DAZAP2: variants seen among roughly 807,000 people sequenced by gnomAD.
DAZAP2 encodes DAZ associated protein 2.
DAZAP2 carries 3 observed loss-of-function variants against 16.2 expected under a neutral mutation model. That is an observed-to-expected ratio of 0.19 (90% CI 0.08 to 0.48). The LOEUF (loss-of-function observed/expected upper bound fraction) is 0.48. DAZAP2 is among the 20% of genes least tolerant of loss of function. DAZAP2 has a pLI of 0.98. For synonymous variants in DAZAP2, 69 were observed against 77.6 expected, an observed-to-expected ratio of 0.89 and a Z score of 0.58; for missense variants, 172 against 215.9, an observed-to-expected ratio of 0.80 and a Z score of 1.27.
downstream of DAZAP2, among the ~76,000 whole-genome samples, chr12:51,244,251 T>G (rs749793170): frequency 2.6e-5 from 4 of 152,176 alleles, no homozygotes; most frequent in African/African-American, 4.8e-5. Flanking sequence ...CGGGCTGGAG[T>G]GCAGTGGCAG....
In DAZAP2 at chr12:51,240,570, G is replaced by A. The variant is rs951101564; in HGVS notation, c.132+109G>A. 2.9e-5 allele frequency: 32 copies of A among 1,090,970 alleles called. No individual in the cohort carries two copies. In the Admixed American group the frequency reaches 5.2e-4, roughly 18 times the overall value. 67.6% of individuals were successfully genotyped at this position (1,090,970 alleles called of 1,614,324 possible). On this transcript the variant is annotated intron_variant, in intron 2 of 3. Transcript: ENST00000412716. ...ATTTACTCTTCACAAATGCTAACAT[G>A]AATAATCTAAAACACTATATAATTT...
chr12:51,240,105 G>A (rs959744924), intron 1 of DAZAP2: 2 of 517,116 alleles, frequency 3.9e-6, no homozygotes, highest in Non-Finnish European at 7.0e-6. Flanking sequence ...CCCTTACTTC[G>A]GTATGTTAGT....
chr12:51,240,520 T>A, intron 2 of DAZAP2, 59 bp downstream of exon 2: 1 of 1,363,380 alleles, frequency 7.3e-7, no homozygotes, highest in South Asian at 1.2e-5. Flanking sequence ...GGTCCTTTAG[T>A]CCTTAGCTAA....
intron 3 of DAZAP2, 56 bp from the exon 4 acceptor site, chr12:51,242,274 C>T: frequency 2.0e-6 from 3 of 1,524,688 alleles, no homozygotes; most frequent in Non-Finnish European, 8.8e-7. Context: ...TCCCCTATGT[C>T]CCCTTCGCTT....
chr12:51,238,968 C>G, intron 1 of DAZAP2, 48 bp downstream of exon 1: 1 of 1,608,510 alleles, frequency 6.2e-7, no homozygotes, highest in Non-Finnish European at 8.5e-7. Context: ...ACTGCTGGCC[C>G]AGAGCGAGCG....
downstream of DAZAP2, chr12:51,245,298 G>A (rs761941764): frequency 9.2e-4 from 140 of 152,654 alleles, no homozygotes; most frequent in Non-Finnish European, 1.0e-3. Context: ...TGTCAAAAAT[G>A]TTTAAGCAAA....
At chr12:51,246,610 G>C, downstream of DAZAP2, 1 of 490,228 alleles carries the variant, frequency 2.0e-6, no homozygotes, top group African/African-American at 2.1e-5. Context: ...ATGGCTGTGT[G>C]TGTGTGTGTG....
At chr12:51,245,925 T>C, downstream of DAZAP2, 12 of 1,607,228 alleles carry the variant, frequency 7.5e-6, no homozygotes, top group Non-Finnish European at 9.4e-6. Context: ...ATAAGCTCCT[T>C]GGGGCCTGGG....
Position 51,243,469 on chromosome 12 carries a change from T to A in DAZAP2, c.*1011T>A, listed in dbSNP as rs1434131204. 2 of 985,774 alleles carry A rather than the reference T, an allele frequency of 2.0e-6. No homozygotes were observed. The highest frequency in any genetic ancestry group is 1.2e-4 in the Admixed American group (2 of 16,264). The allele number at this position is 985,774 out of a possible 1,614,324, so 61.1% of individuals were successfully genotyped here. ...CCTAGACTGGGTTAATAGGGTCATA[T>A]TGTGAATGTCTCACTACAAAATGAC... is the stretch of plus-strand genomic sequence containing the variant. On this transcript the variant is annotated 3_prime_UTR_variant, in exon 4 of 4. Coordinates refer to ENST00000412716, the MANE Select transcript of DAZAP2 (RefSeq NM_014764.4).
chr12:51,245,692 T>G, downstream of DAZAP2: 1 of 456,186 alleles, frequency 2.2e-6, no homozygotes, highest in East Asian at 3.4e-5. Context: ...CATAGCCACA[T>G]CTTGTTGGCC....
At chr12:51,246,045 C>T (rs750130733), downstream of DAZAP2, 2 of 1,613,946 alleles carry the variant, frequency 1.2e-6, no homozygotes, top group South Asian at 2.2e-5. Flanking sequence ...ACGTAGCTGC[C>T]TTTGTTCTTG....
chr12:51,243,082 G>C lies in DAZAP2; in HGVS notation c.*624G>C. 1.0e-6 allele frequency: 1 copy of C among 990,012 alleles called. No individual in the cohort carries two copies. The highest frequency in any genetic ancestry group is 1.2e-6 in the Non-Finnish European group (1 of 833,134). The allele number at this position is 990,012 out of a possible 1,614,324, so 61.3% of individuals were successfully genotyped here. On this transcript the variant is annotated 3_prime_UTR_variant, in exon 4 of 4. Coordinates refer to ENST00000412716, the MANE Select transcript of DAZAP2 (RefSeq NM_014764.4). ...TCATCTTTTAACTAGTGTTTCACAAGGATCCTCTGAAACCCTCTCTGTGCC... is the reference window on the plus strand; with the variant it reads ...TCATCTTTTAACTAGTGTTTCACAACGATCCTCTGAAACCCTCTCTGTGCC...
chr12:51,246,698 G>A (rs1033306933), downstream of DAZAP2: 17 of 1,414,590 alleles, frequency 1.2e-5, no homozygotes, highest in Admixed American at 3.7e-4. Context: ...TCCCTCTGGA[G>A]AGAGATGCCC....
In DAZAP2 at chr12:51,243,752, G is replaced by A; in HGVS notation, c.*1294G>A. Reference sequence around the variant, plus strand: ...AAAAATGTAGAATAAAGACTATTTTGAAGATTTGAATAAAGTGATGAAGTT... The same window carrying A: ...AAAAATGTAGAATAAAGACTATTTTAAAGATTTGAATAAAGTGATGAAGTT... On this transcript the variant is annotated 3_prime_UTR_variant, in exon 4 of 4. Transcript: ENST00000412716. 1 of 985,650 alleles carries A rather than the reference G, an allele frequency of 1.0e-6. No homozygotes were observed. The highest frequency in any genetic ancestry group is 1.2e-6 in the Non-Finnish European group (1 of 829,818). The allele number at this position is 985,650 out of a possible 1,614,324, so 61.1% of individuals were successfully genotyped here. A position where few individuals can be genotyped will look rare whatever the true frequency, so the allele number is the denominator to read the frequency against.
chr12:51,243,251 T>A lies in DAZAP2; in HGVS notation c.*793T>A. On this transcript the variant is annotated 3_prime_UTR_variant, in exon 4 of 4. Transcript: ENST00000412716. ...GGTGCCAGAAAAACTGAGCTATGTT[T>A]GAACAAAGATGTCGTGCAAACTGTA... 1.0e-5 allele frequency: 10 copies of A among 985,942 alleles called. No individual in the cohort carries two copies. Among genetic ancestry groups the A allele is most frequent in the Non-Finnish European group, 1.1e-5 (9 of 829,994 alleles). 61.1% of individuals were successfully genotyped at this position (985,942 alleles called of 1,614,324 possible). A position where few individuals can be genotyped will look rare whatever the true frequency, so the allele number is the denominator to read the frequency against.
intron 2 of DAZAP2, 112 bp from the exon 3 acceptor site, chr12:51,240,759 A>T (rs1944660467): frequency 6.9e-7 from 1 of 1,441,362 alleles, no homozygotes; most frequent in African/African-American, 1.4e-5. Flanking sequence ...AACTTGTATA[A>T]TCTTACAAAA....
At chr12:51,245,743 A>G, downstream of DAZAP2, 1 of 561,882 alleles carries the variant, frequency 1.8e-6, no homozygotes, top group Non-Finnish European at 3.1e-6. Flanking sequence ...CTGGTTAAAG[A>G]TATCATAAAC....
In DAZAP2 at chr12:51,243,893, T is replaced by A. The variant is rs1049057269; in HGVS notation, c.*1435T>A. 1.0e-6 allele frequency: 1 copy of A among 985,316 alleles called. No individual in the cohort carries two copies. Among genetic ancestry groups the A allele is most frequent in the African/African-American group, 1.7e-5 (1 of 57,234 alleles). The allele number at this position is 985,316 out of a possible 1,614,324, so 61.0% of individuals were successfully genotyped here. ...TAGGTGCTGCTGCTGCTCTGTTTCC[T>A]TTGATGACGCTTTGAAATAAAGGCA... On this transcript the variant is annotated 3_prime_UTR_variant, in exon 4 of 4. Coordinates refer to ENST00000412716, the MANE Select transcript of DAZAP2 (RefSeq NM_014764.4).
At position 51,243,692 on chromosome 12, in the gene DAZAP2, A is replaced by G. The variant is rs1944723783; in HGVS notation, c.*1234A>G. On this transcript the variant is annotated 3_prime_UTR_variant, in exon 4 of 4. Coordinates refer to ENST00000412716, the MANE Select transcript of DAZAP2 (RefSeq NM_014764.4). Reference sequence around the variant, plus strand: ...TTCAGCGTTGTATGTCTCTCTCTACACTGTGGTGCACTTAACTTGTGGAAT... The same window carrying G: ...TTCAGCGTTGTATGTCTCTCTCTACGCTGTGGTGCACTTAACTTGTGGAAT... 1 of 985,602 alleles carries G rather than the reference A, an allele frequency of 1.0e-6. No individual in the cohort carries two copies. The highest frequency in any genetic ancestry group is 1.2e-6 in the Non-Finnish European group (1 of 829,710). The allele number at this position is 985,602 out of a possible 1,614,324, so 61.1% of individuals were successfully genotyped here.
Sources: gnomAD v4.1 joint callset for allele counts (sites outside exome capture counted in the v4.1 genomes callset) on GRCh38, gnomAD v4.1.1 for gene constraint, MANE v1.5 for transcripts, NCBI Gene and HGNC (gene_info 2026-07-23, HGNC 2026-07-21) for gene names.